TFEC: variants seen among roughly 807,000 people sequenced by gnomAD.
TFEC encodes the protein class E basic helix-loop-helix protein 34.
TFEC carries 31 observed loss-of-function variants against 41.6 expected under a neutral mutation model. That is an observed-to-expected ratio of 0.74 (90% confidence interval 0.56 to 1.01). TFEC has a LOEUF of 1.01. Ranked by LOEUF, TFEC falls within the 50% of genes least tolerant of loss-of-function variation. TFEC has a pLI of 0.00. For missense variants in TFEC, 402 were observed against 404.1 expected (o/e 0.99, Z 0.04); for synonymous variants, 143 against 140.6 (o/e 1.02, Z -0.12).
chr7:116,152,003 AGG>A, intron 1 of TFEC, among the ~76,000 whole-genome samples: 1 of 152,308 alleles, frequency 6.6e-6, no homozygotes, highest in Non-Finnish European at 1.5e-5. Flanking sequence ...TCAAAAAAAA[AGG>A]TAGTAAACCC....
chr7:115,947,883 C>A (rs536081553), intron 6 of TFEC, among the ~76,000 whole-genome samples: 1 of 151,670 alleles, frequency 6.6e-6, no homozygotes, highest in Non-Finnish European at 1.5e-5. Context: ...CACAAAAAAC[C>A]CTTCAAAAAA....
At chr7:115,986,998 T>C (rs1400498031) in intron 1 of TFEC, among the ~76,000 whole-genome samples, 2 of 152,162 alleles carry the variant, frequency 1.3e-5, no homozygotes, top group Non-Finnish European at 2.9e-5. Context: ...GTCACAAATG[T>C]TACTCATGCA....
intron 1 of TFEC, among the ~76,000 whole-genome samples, chr7:115,986,137 C>A (rs1051046741): frequency 6.6e-6 from 1 of 152,138 alleles, no homozygotes; most frequent in Non-Finnish European, 1.5e-5. Flanking sequence ...AAAGAAGTCA[C>A]AGATGTGATC....
At chr7:116,111,744 C>A (rs1489524135) in intron 2 of TFEC, among the ~76,000 whole-genome samples, 1 of 151,990 alleles carries the variant, frequency 6.6e-6, no homozygotes, top group African/African-American at 2.4e-5. Context: ...GCCCTAAAAA[C>A]TCCCATATTA....
intron 3 of TFEC, among the ~76,000 whole-genome samples, chr7:116,066,521 T>A (rs930349015): frequency 1.3e-5 from 2 of 152,012 alleles, no homozygotes; most frequent in African/African-American, 4.8e-5. Context: ...AAAAGCAGTA[T>A]ATCTTCTTAT....
At chr7:116,063,003 T>C (rs892823478) in intron 3 of TFEC, among the ~76,000 whole-genome samples, 1 of 152,190 alleles carries the variant, frequency 6.6e-6, no homozygotes, top group Non-Finnish European at 1.5e-5. Flanking sequence ...CAAATATTTA[T>C]AAAAGCATGA....
chr7:115,945,891 T>C (rs1791512228), intron 6 of TFEC, among the ~76,000 whole-genome samples: 1 of 151,740 alleles, frequency 6.6e-6, no homozygotes, highest in Non-Finnish European at 1.5e-5. Context: ...TGTCTGTGTC[T>C]GCTTTCATGC....
chr7:116,004,926 T>G (rs558057302), intron 1 of TFEC, among the ~76,000 whole-genome samples: 2 of 152,268 alleles, frequency 1.3e-5, no homozygotes, highest in East Asian at 3.9e-4. Context: ...GGGGCAGGTC[T>G]TTCCTATGCT....
At chr7:116,098,667 T>C (rs1441032392) in intron 3 of TFEC, among the ~76,000 whole-genome samples, 2 of 152,132 alleles carry the variant, frequency 1.3e-5, no homozygotes, top group Non-Finnish European at 2.9e-5. Flanking sequence ...ATCTTAAATT[T>C]GAAAACAATA....
rs60975387 is a variant in TFEC at position 116,151,706 on chromosome 7, T to G, written c.-69+8084A>C. Among the ~76,000 whole-genome samples, 457 of 152,226 alleles carry G rather than the reference T, an allele frequency of 3.0e-3. 4 individuals are homozygous for G. The highest frequency in any genetic ancestry group is 0.011 in the African/African-American group (442 of 41,564). The stretch of plus-strand genomic sequence containing the variant: ...ATATGCTTATCTCTTAATATCATTA[T>G]AAAAATTTTTATATTTGGGAGATTT... On this transcript the variant is annotated intron_variant, in intron 1 of 8. Transcript: ENST00000484212.
At chr7:116,052,959 C>T (rs1214438412) in intron 3 of TFEC, among the ~76,000 whole-genome samples, 3 of 151,936 alleles carry the variant, frequency 2.0e-5, no homozygotes, top group African/African-American at 7.2e-5. Context: ...GTAGTCCCAG[C>T]TACTCGGGAG....
chr7:116,090,132 C>T (rs77751162), intron 3 of TFEC, among the ~76,000 whole-genome samples: 1 of 152,154 alleles, frequency 6.6e-6, no homozygotes, highest in Non-Finnish European at 1.5e-5. Context: ...CGTTTTTCTG[C>T]CCAGCAGATG....
chr7:116,044,117 T>C (rs1330764467), intron 3 of TFEC, among the ~76,000 whole-genome samples: 1 of 152,220 alleles, frequency 6.6e-6, no homozygotes, highest in Non-Finnish European at 1.5e-5. Context: ...CTGTGAAAGA[T>C]GTTAAGTTTT....
At chr7:115,988,147 T>A (rs969322170) in intron 1 of TFEC, among the ~76,000 whole-genome samples, 2 of 152,094 alleles carry the variant, frequency 1.3e-5, no homozygotes, top group Non-Finnish European at 1.5e-5. Flanking sequence ...TTCTTTTACA[T>A]CCAGTACATC....
At chr7:115,990,016 C>T (rs1794036486) in intron 1 of TFEC, among the ~76,000 whole-genome samples, 1 of 152,154 alleles carries the variant, frequency 6.6e-6, no homozygotes, top group Non-Finnish European at 1.5e-5. Context: ...AGGTGCCCCT[C>T]TGAGATAAAG....
intron 6 of TFEC, 61 bp from the exon 7 acceptor site, chr7:115,942,101 T>C: frequency 6.7e-7 from 1 of 1,483,450 alleles, no homozygotes; most frequent in Admixed American, 2.3e-5. Flanking sequence ...CATAAGAACT[T>C]ACAAAATCTT....
At chr7:115,953,306 T>C (rs1034220992) in intron 5 of TFEC, among the ~76,000 whole-genome samples, 6 of 152,132 alleles carry the variant, frequency 3.9e-5, no homozygotes, top group African/African-American at 1.4e-4. Context: ...TAATTTTATG[T>C]AAACTTCTGG....
intron 1 of TFEC, among the ~76,000 whole-genome samples, chr7:115,992,692 T>C (rs1221556748): frequency 6.6e-6 from 1 of 152,168 alleles, no homozygotes; most frequent in Admixed American, 6.5e-5. Flanking sequence ...TAACAGGCTC[T>C]GAAATTGAGG....
At chr7:116,054,622 G>T (rs1340950841) in intron 3 of TFEC, among the ~76,000 whole-genome samples, 2 of 152,058 alleles carry the variant, frequency 1.3e-5, no homozygotes, top group Non-Finnish European at 2.9e-5. Flanking sequence ...AATACAGGAT[G>T]CCCAGATACA....
Sources: gnomAD v4.1 joint callset for allele counts (sites outside exome capture counted in the v4.1 genomes callset) on GRCh38, gnomAD v4.1.1 for gene constraint, MANE v1.5 for transcripts, NCBI Gene and HGNC (gene_info 2026-07-23, HGNC 2026-07-21) for gene names.